PTPRM: variants seen among roughly 807,000 people sequenced by gnomAD.
The protein encoded by PTPRM is protein tyrosine phosphatase receptor type M, also known as receptor-type tyrosine-protein phosphatase mu.
In PTPRM, 47 loss-of-function variants were observed where a neutral mutation model predicts 186.7. The observed-to-expected ratio is 0.25, with a 90% CI of 0.20 to 0.32. The LOEUF (loss-of-function observed/expected upper bound fraction) is 0.32. PTPRM is among the 10% of genes least tolerant of loss of function. The pLI is 1.00. For synonymous variants in PTPRM, 668 were observed against 674.9 expected (o/e 0.99, Z 0.16); for missense variants, 1,494 against 1,865.0 (o/e 0.80, Z 3.66).
At chr18:7,804,071 T>C (rs1052056885) in intron 2 of PTPRM, among the ~76,000 whole-genome samples, 1 of 152,150 alleles carries the variant, frequency 6.6e-6, no homozygotes, top group African/African-American at 2.4e-5. Flanking sequence ...TTTATGTAAG[T>C]GAAAATTCCA....
intron 2 of PTPRM, among the ~76,000 whole-genome samples, chr18:7,822,922 A>AT (rs1274715457): frequency 6.6e-6 from 1 of 151,880 alleles, no homozygotes; most frequent in African/African-American, 2.4e-5. Flanking sequence ...TCCGGGGAAC[A>AT]TTTGTTGTAT....
At chr18:8,126,083 T>A (rs1252481300) in intron 13 of PTPRM, among the ~76,000 whole-genome samples, 1 of 142,886 alleles carries the variant, frequency 7.0e-6, no homozygotes, top group Non-Finnish European at 1.5e-5. Flanking sequence ...GTGTTTCAAC[T>A]CACAAAAGCA....
intron 13 of PTPRM, among the ~76,000 whole-genome samples, chr18:8,115,888 G>C (rs1180559947): frequency 1.3e-5 from 2 of 152,044 alleles, no homozygotes; most frequent in African/African-American, 4.8e-5. Context: ...ATATTTCTTG[G>C]TTGCATGTTT....
intron 23 of PTPRM, among the ~76,000 whole-genome samples, chr18:8,343,764 G>A (rs778944370): frequency 6.6e-5 from 10 of 152,188 alleles, no homozygotes; most frequent in Non-Finnish European, 1.2e-4. Flanking sequence ...GTTGTTATCG[G>A]GCCATATTGA....
chr18:8,042,951 C>T (rs2086786640), intron 7 of PTPRM, among the ~76,000 whole-genome samples: 1 of 152,128 alleles, frequency 6.6e-6, no homozygotes, highest in African/African-American at 2.4e-5. Flanking sequence ...TGCAGGCTTC[C>T]CCTCTTCACT....
rs118155304 is a variant in PTPRM, at chr18:8,169,578, C to T, written c.2300+25799C>T. On this transcript the variant is annotated intron_variant, in intron 14 of 32. Coordinates refer to ENST00000580170, the MANE Select transcript of PTPRM (RefSeq NM_001105244.2). Reference sequence around the variant, plus strand: ...TTATCAGTAACAAGGAAGAAAAAAACCTTAATTGTCTAATTGATGGCTATT... The same window carrying T: ...TTATCAGTAACAAGGAAGAAAAAAATCTTAATTGTCTAATTGATGGCTATT... Among the ~76,000 whole-genome samples, 1,192 of 152,126 alleles carry T rather than the reference C, an allele frequency of 7.8e-3. 10 individuals are homozygous for T. The highest frequency in any genetic ancestry group is 0.044 in the Middle Eastern group (13 of 294).
intron 5 of PTPRM, among the ~76,000 whole-genome samples, chr18:7,948,130 TACACACACACACAC>T (rs57918724): frequency 1.6e-3 from 221 of 137,898 alleles, no homozygotes; most frequent in Middle Eastern, 7.4e-3. Context: ...GATTATAAAA[TACACACACACACAC>T]ACACACACAC....
intron 1 of PTPRM, among the ~76,000 whole-genome samples, chr18:7,569,690 G>A (rs2036522715): frequency 6.6e-6 from 1 of 152,172 alleles, no homozygotes; most frequent in African/African-American, 2.4e-5. Context: ...TTTAAACCAT[G>A]GGTTCCTCAT....
At chr18:7,669,433 A>G (rs1055685525) in intron 1 of PTPRM, among the ~76,000 whole-genome samples, 1 of 152,148 alleles carries the variant, frequency 6.6e-6, no homozygotes. Context: ...GTCCATTTGC[A>G]TGCCTATTGG....
At chr18:7,982,986 C>G (rs957019392) in intron 7 of PTPRM, among the ~76,000 whole-genome samples, 1 of 152,116 alleles carries the variant, frequency 6.6e-6, no homozygotes, top group African/African-American at 2.4e-5. Context: ...TATCTGCATT[C>G]GCCACGATTC....
chr18:8,247,293 A>G (rs1183158661), intron 15 of PTPRM, among the ~76,000 whole-genome samples: 1 of 152,212 alleles, frequency 6.6e-6, no homozygotes, highest in Non-Finnish European at 1.5e-5. Context: ...AGTGTTTCAG[A>G]GGAATATTTT....
intron 2 of PTPRM, among the ~76,000 whole-genome samples, chr18:7,799,732 T>C (rs1423746132): frequency 6.6e-6 from 1 of 152,202 alleles, no homozygotes; most frequent in Non-Finnish European, 1.5e-5. Flanking sequence ...TGCTGATACA[T>C]AGAAATGTAT....
chr18:8,332,387 T>G (rs2095416734), intron 22 of PTPRM, among the ~76,000 whole-genome samples: 1 of 152,228 alleles, frequency 6.6e-6, no homozygotes, highest in African/African-American at 2.4e-5. Context: ...AAATTTGACA[T>G]AACCTTTTGG....
intron 7 of PTPRM, among the ~76,000 whole-genome samples, chr18:8,036,975 T>G (rs549286261): frequency 6.6e-6 from 1 of 152,328 alleles, no homozygotes; most frequent in Admixed American, 6.5e-5. Context: ...CTTAATGAAC[T>G]TCCTCTGCTT....
intron 17 of PTPRM, among the ~76,000 whole-genome samples, chr18:8,249,731 G>A (rs56755557): frequency 1.4e-4 from 21 of 152,080 alleles, no homozygotes; most frequent in Non-Finnish European, 2.8e-4. Context: ...CTTTAAAGTC[G>A]CTGCTTTGTT....
At chr18:8,394,850 C>T (rs571128673) in intron 32 of PTPRM, among the ~76,000 whole-genome samples, 16 of 152,300 alleles carry the variant, frequency 1.1e-4, no homozygotes, top group African/African-American at 3.4e-4. Context: ...AGCTGAAACT[C>T]ACAAGTGAAC....
At chr18:8,142,130 A>T (rs1039473653) in intron 13 of PTPRM, among the ~76,000 whole-genome samples, 2 of 152,222 alleles carry the variant, frequency 1.3e-5, no homozygotes, top group African/African-American at 4.8e-5. Flanking sequence ...AGTTTGAGGG[A>T]TATTCATTGA....
chr18:7,681,680 C>G (rs1483769271), intron 1 of PTPRM, among the ~76,000 whole-genome samples: 2 of 152,100 alleles, frequency 1.3e-5, no homozygotes, highest in Non-Finnish European at 2.9e-5. Flanking sequence ...AGATAGATAG[C>G]TATAGTCACT....
chr18:8,130,295 G>A (rs562723020), intron 13 of PTPRM, among the ~76,000 whole-genome samples: 8 of 152,286 alleles, frequency 5.3e-5, no homozygotes, highest in African/African-American at 1.9e-4. Context: ...TGGTGGAACT[G>A]TTGAGTGAGA....
Sources: gnomAD v4.1 joint callset for allele counts (sites outside exome capture counted in the v4.1 genomes callset) on GRCh38, gnomAD v4.1.1 for gene constraint, MANE v1.5 for transcripts, NCBI Gene and HGNC (gene_info 2026-07-23, HGNC 2026-07-21) for gene names.